The following THAP3 variants were observed in gnomAD, a reference collection of about 807,000 sequenced individuals.
The protein encoded by THAP3 is THAP domain containing 3.
In THAP3, 12 loss-of-function variants were observed where a neutral mutation model predicts 17.7. The ratio of observed to expected loss-of-function variants is 0.68; its 90% CI spans 0.43 to 1.10. THAP3 has a LOEUF of 1.10. Among genes scored for constraint, THAP3 ranks in the 50% least tolerant of loss-of-function variants. The pLI, the probability that THAP3 is intolerant of heterozygous loss-of-function variation, is 0.00. For synonymous variants in THAP3, 133 were observed against 126.9 expected, an observed-to-expected ratio of 1.05 and a Z score of -0.32; for missense variants, 289 against 318.0, an observed-to-expected ratio of 0.91 and a Z score of 0.69.
intron 3 of THAP3, among the ~76,000 whole-genome samples, chr1:6,629,032 T>C (rs1313907758): frequency 6.6e-6 from 1 of 152,212 alleles, no homozygotes; most frequent in Non-Finnish European, 1.5e-5. Context: ...TGAAACCCCA[T>C]TTCTACTAAA....
chr1:6,634,513 C>G (rs759752759), downstream of THAP3: 3 of 1,354,038 alleles, frequency 2.2e-6, no homozygotes, highest in Non-Finnish European at 2.0e-6. Context: ...TGGGGCCCCC[C>G]GCGCCAGCTG....
chr1:6,625,086 G>A, intron 1 of THAP3, 64 bp from the exon 2 acceptor site: 1 of 1,027,112 alleles, frequency 9.7e-7, no homozygotes, highest in East Asian at 3.1e-5. Context: ...ATGGCAGGAT[G>A]AGCGCGCCCT....
At chr1:6,626,957 C>T (rs150984981) in intron 2 of THAP3, among the ~76,000 whole-genome samples, 70 of 152,356 alleles carry the variant, frequency 4.6e-4, no homozygotes, top group Middle Eastern at 3.4e-3. Flanking sequence ...GGAGTTGCTG[C>T]GCCTTCTCTC....
intron 3 of THAP3, among the ~76,000 whole-genome samples, chr1:6,630,012 C>T (rs552708091): frequency 1.3e-5 from 2 of 152,164 alleles, no homozygotes; most frequent in South Asian, 4.1e-4. Context: ...GGTGCCAGGC[C>T]CTGGGGTGAC....
downstream of THAP3, chr1:6,634,244 C>G: frequency 1.2e-6 from 1 of 867,176 alleles, no homozygotes. Flanking sequence ...AGGATGGGTG[C>G]CCAGAAGCAC....
At chr1:6,627,264 G>A (rs1641491106) in intron 2 of THAP3, among the ~76,000 whole-genome samples, 1 of 152,176 alleles carries the variant, frequency 6.6e-6, no homozygotes, top group Non-Finnish European at 1.5e-5. Flanking sequence ...CGGTTCCGCA[G>A]GGTTGGCCGC....
In THAP3 at chr1:6,625,308, C is replaced by A. The variant is rs1641433979; in HGVS notation, c.74+16C>A. The A allele has an allele frequency of 6.6e-7, 1 of 1,526,586 alleles. No individual in the cohort carries two copies. Among genetic ancestry groups the A allele is most frequent in the African/African-American group, 1.4e-5 (1 of 69,654 alleles). The allele number at this position is 1,526,586 out of a possible 1,614,324, so 94.6% of individuals were successfully genotyped here. A position where few individuals can be genotyped will look rare whatever the true frequency, so the allele number is the denominator to read the frequency against. On this transcript the variant is annotated intron_variant, in intron 2 of 5. Transcript: ENST00000054650. ...CCTTCCACCGGTAAGAGGCGGGGAC[C>A]CGGGGGCGCGGGAGGCCCAGACCCG...
At chr1:6,632,610 G>T (rs1031776815) in intron 5 of THAP3, 115 bp downstream of exon 5, 3 of 1,509,628 alleles carry the variant, frequency 2.0e-6, no homozygotes, top group Non-Finnish European at 2.7e-6. Context: ...AGGGTGTGCA[G>T]CCTGGGTTTC....
intron 5 of THAP3, 44 bp from the exon 6 acceptor site, chr1:6,632,751 TC>T: frequency 1.2e-6 from 2 of 1,608,364 alleles, no homozygotes; most frequent in Non-Finnish European, 1.7e-6. Context: ...TGGCCCGCCT[TC>T]CTGCTGGTGA....
At chr1:6,630,204 C>G in intron 3 of THAP3, 84 bp from the exon 4 acceptor site, 1 of 1,211,750 alleles carries the variant, frequency 8.3e-7, no homozygotes, top group South Asian at 1.2e-5. Context: ...GGCCGAGCAG[C>G]GGGGACAAGC....
At chr1:6,625,787 G>C (rs982313216) in intron 2 of THAP3, among the ~76,000 whole-genome samples, 1 of 151,986 alleles carries the variant, frequency 6.6e-6, no homozygotes, top group African/African-American at 2.4e-5. Flanking sequence ...ATCGTCATTA[G>C]TCACAGTTGC....
rs1042508506 is a variant in THAP3, at chr1:6,625,466, C to T, written c.74+174C>T. Among the ~76,000 whole-genome samples the T allele has an allele frequency of 3.3e-5, 5 of 151,658 alleles. No homozygotes were observed. In the East Asian group the frequency reaches 9.7e-4, roughly 29 times the overall value. On this transcript the variant is annotated intron_variant, in intron 2 of 5. Coordinates refer to ENST00000054650, the MANE Select transcript of THAP3 (RefSeq NM_001195753.2). ...CGCCGCCGCGCCCGCCGCGGGGATG[C>T]GGGGAGTGGCGGACGGAGGGGCAGC...
chr1:6,628,734 C>T lies in THAP3; in HGVS notation c.267+43C>T, dbSNP rs753516766. On this transcript the variant is annotated intron_variant, in intron 3 of 5. Coordinates refer to ENST00000054650, the MANE Select transcript of THAP3 (RefSeq NM_001195753.2). ...CTTCCGTCTGGTCACATCCAGCCTG[C>T]GTTGTTTACCAGCAGCTGGGGGCAG... 1.2e-5 allele frequency: 19 copies of T among 1,561,996 alleles called. No individual in the cohort carries two copies. In the South Asian group the frequency reaches 1.3e-4, roughly 11 times the overall value.
chr1:6,631,767 G>A (rs999439959), intron 4 of THAP3, among the ~76,000 whole-genome samples: 4 of 152,224 alleles, frequency 2.6e-5, no homozygotes, highest in South Asian at 2.1e-4. Context: ...CATGGTGGTG[G>A]ATGCCTATAA....
chr1:6,625,122 C>G (rs552058746), intron 1 of THAP3, 28 bp from the exon 2 acceptor site: 4 of 1,366,874 alleles, frequency 2.9e-6, no homozygotes, highest in Admixed American at 2.1e-5. Flanking sequence ...CCGTCACCAC[C>G]TCCCAGCGGC....
intron 2 of THAP3, among the ~76,000 whole-genome samples, chr1:6,627,513 C>T (rs977741402): frequency 9.2e-5 from 14 of 152,090 alleles, no homozygotes; most frequent in Admixed American, 5.2e-4. Context: ...CACAGGAGTG[C>T]GCCACCACGC....
At chr1:6,631,178 ATT>A (rs35284282) in intron 4 of THAP3, among the ~76,000 whole-genome samples, 53,218 of 140,306 alleles carry the variant, frequency 0.38, 9,895 homozygotes, top group South Asian at 0.48. Context: ...CTAATTAAAA[ATT>A]TTTTTTTTTT....
In THAP3 at chr1:6,628,540, T is replaced by A; in HGVS notation, c.116T>A (p.Leu39Gln). Residue 39 changes from leucine to glutamine, a missense_variant, in exon 3 of 6, where the codon CTG becomes CAG. By Grantham distance (113) the Leu-to-Gln change is moderately radical (BLOSUM62 -2). Transcript: ENST00000054650. ...SRPELLKEWV[L>Q]NIGRGNFKPK... ...CCGGAGCTGCTGAAGGAATGGGTGC[T>A]GAACATCGGCCGGGGCAACTTCAAG... is the stretch of plus-strand genomic sequence containing the variant. 2 of 1,613,782 alleles carry A rather than the reference T, an allele frequency of 1.2e-6. No homozygotes were observed. Among genetic ancestry groups the A allele is most frequent in the Non-Finnish European group, 1.7e-6 (2 of 1,179,976 alleles).
intron 4 of THAP3, among the ~76,000 whole-genome samples, chr1:6,631,504 T>TG (rs559448740): frequency 9.2e-5 from 14 of 151,888 alleles, no homozygotes; most frequent in African/African-American, 3.4e-4. Flanking sequence ...CGCAGTGGCT[T>TG]GCGTCTGTAT....
Sources: allele counts gnomAD v4.1 joint callset (sites outside exome capture counted in the v4.1 genomes callset), GRCh38; gene constraint gnomAD v4.1.1; transcripts MANE v1.5; gene names NCBI Gene and HGNC (gene_info 2026-07-23, HGNC 2026-07-21).